The following RIMBP2 variants were observed in gnomAD, a reference collection of about 807,000 sequenced individuals.
RIMBP2 encodes RIMS binding protein 2, also known as RIMS-binding protein 2.
In RIMBP2, 48 loss-of-function variants were observed where a neutral mutation model predicts 118.6. The ratio of observed to expected loss-of-function variants is 0.40; its 90% CI spans 0.32 to 0.51. The LOEUF (loss-of-function observed/expected upper bound fraction) is 0.51. Among genes scored for constraint, RIMBP2 ranks in the 20% least tolerant of loss-of-function variants. The pLI is 0.41. For missense variants in RIMBP2, 1,551 were observed against 1,768.3 expected (o/e 0.88, Z 2.20); for synonymous variants, 762 against 742.9 (o/e 1.03, Z -0.42).
At chr12:130,445,059 T>C in intron 10 of RIMBP2, 101 bp downstream of exon 10, 1 of 698,654 alleles carries the variant, frequency 1.4e-6, no homozygotes, top group Non-Finnish European at 2.4e-6. Context: ...TGGCCAGGAG[T>C]ATGTTGGGAG....
intron 15 of RIMBP2, chr12:130,425,227 T>C (rs991574929): frequency 5.5e-6 from 1 of 181,362 alleles, no homozygotes; most frequent in African/African-American, 2.3e-5. Context: ...CAGGGGAGAC[T>C]GCCCGGGGGC....
chr12:130,534,296 T>C (rs988720285), intron 2 of RIMBP2, among the ~76,000 whole-genome samples: 4 of 151,042 alleles, frequency 2.6e-5, no homozygotes, highest in Non-Finnish European at 5.9e-5. Flanking sequence ...GAAAAATTAC[T>C]TAATGGGTAT....
intron 1 of RIMBP2, among the ~76,000 whole-genome samples, chr12:130,664,609 G>A (rs941069862): frequency 3.3e-5 from 5 of 151,440 alleles, no homozygotes; most frequent in African/African-American, 7.3e-5. Flanking sequence ...AGAGAAGCAC[G>A]GGCTCCTTCA....
At chr12:130,570,898 A>G (rs2057584366) in intron 2 of RIMBP2, among the ~76,000 whole-genome samples, 1 of 152,198 alleles carries the variant, frequency 6.6e-6, no homozygotes, top group Non-Finnish European at 1.5e-5. Flanking sequence ...ATAAAGGAGA[A>G]ATTAACTCCA....
In RIMBP2 at chr12:130,434,864, A is replaced by T; in HGVS notation, c.2123T>A (p.Val708Asp). Residue 708 changes from valine to aspartate, a missense_variant, in exon 14 of 23, where the codon GTC becomes GAC. Physicochemically the swap from Val to Asp is radical, Grantham distance 152. This residue lies in a region of RIMBP2 where 1,038 missense variants were observed against 1,125.1 expected (regional missense o/e 0.92). Coordinates refer to ENST00000690449, the MANE Select transcript of RIMBP2 (RefSeq NM_001393629.1). This position sits in a 1 kb window ranked among gnomAD's most constrained non-coding sequence, Gnocchi z 5.7. ...AESSRLEKRS[V>D]FLERSSAGQY... is the part of the protein sequence containing the mutation. ...CCCCGCGCTGCTTCTCTCTAGGAAGACGCTCCTTTTCTCTAACTTGGAAAG... is the reference window on the plus strand; with the variant it reads ...CCCCGCGCTGCTTCTCTCTAGGAAGTCGCTCCTTTTCTCTAACTTGGAAAG... 1 of 1,607,144 alleles carries T rather than the reference A, an allele frequency of 6.2e-7. No individual in the cohort carries two copies. The highest frequency in any genetic ancestry group is 8.5e-7 in the Non-Finnish European group (1 of 1,176,862).
At chr12:130,640,727 C>T (rs868772233) in intron 1 of RIMBP2, among the ~76,000 whole-genome samples, 2 of 152,184 alleles carry the variant, frequency 1.3e-5, no homozygotes, top group African/African-American at 4.8e-5. Context: ...ATTTGGACGT[C>T]GGCATCTGGC....
chr12:130,528,611 T>C (rs1376527295), intron 2 of RIMBP2, among the ~76,000 whole-genome samples: 1 of 152,182 alleles, frequency 6.6e-6, no homozygotes, highest in African/African-American at 2.4e-5. Context: ...TAACTTAAAA[T>C]AAAAATGTCT....
rs971980265 is a variant in RIMBP2 at position 130,447,055 on chromosome 12, G to A, written c.582-1786C>T. On this transcript the variant is annotated intron_variant, in intron 9 of 22. Transcript: ENST00000690449. This position sits in a 1 kb window ranked among gnomAD's most constrained non-coding sequence, Gnocchi z 4.4. ...ATGGGTAGATGGCCGAGACACAGAA[G>A]CTGGCAGAGTGTTCTCGGAGGAGGA... Among the ~76,000 whole-genome samples the A allele has an allele frequency of 3.3e-5, 5 of 151,682 alleles. No individual in the cohort carries two copies. Among genetic ancestry groups the A allele is most frequent in the African/African-American group, 4.9e-5 (2 of 41,176 alleles).
At chr12:130,702,547 AGAAG>A (rs57904486) in intron 1 of RIMBP2, among the ~76,000 whole-genome samples, 14,546 of 141,800 alleles carry the variant, frequency 0.1, 766 homozygotes, top group Middle Eastern at 0.14. Flanking sequence ...AAAACAAGAA[AGAAG>A]GAAGGAAGGA....
intron 2 of RIMBP2, among the ~76,000 whole-genome samples, chr12:130,534,302 G>C (rs552796058): frequency 7.3e-5 from 11 of 151,084 alleles, no homozygotes; most frequent in Admixed American, 5.9e-4. Flanking sequence ...TTACTTAATG[G>C]GTATGATGTA....
Position 130,437,231 on chromosome 12 carries a change from T to G in RIMBP2, c.1717A>C (p.Ser573Arg). ...STAVELVRLRSLEAKGVTVRT... is the reference protein window; with the variant it reads ...STAVELVRLRRLEAKGVTVRT... ...ACGGTCACGCCCTTGGCCTCCAGGC[T>G]CCGCAGCCGCACAAGCTCCACGGCC... Residue 573 changes from serine to arginine, a missense_variant, in exon 13 of 23, where the codon AGC (serine) becomes CGC (arginine). Transcript: ENST00000690449. 3.2e-6 allele frequency: 5 copies of G among 1,585,090 alleles called. No homozygotes were observed. The highest frequency in any genetic ancestry group is 4.3e-6 in the Non-Finnish European group (5 of 1,171,146).
chr12:130,561,233 A>G lies in RIMBP2; in HGVS notation c.-216-43316T>C, dbSNP rs191517568. On this transcript the variant is annotated intron_variant, in intron 2 of 22. Transcript: ENST00000690449. ...CCAGCCTCCAGAACTGGGAGAGAATAAGTGTCTGTCGTTTCAGCCATGTGG... is the reference window on the plus strand; with the variant it reads ...CCAGCCTCCAGAACTGGGAGAGAATGAGTGTCTGTCGTTTCAGCCATGTGG... Among the ~76,000 whole-genome samples the G allele has an allele frequency of 2.6e-5, 4 of 152,318 alleles. No homozygotes were observed. In the East Asian group the frequency reaches 5.8e-4, roughly 22 times the overall value.
intron 2 of RIMBP2, among the ~76,000 whole-genome samples, chr12:130,520,533 G>A (rs143618976): frequency 0.011 from 1,614 of 152,164 alleles, 18 homozygotes; most frequent in Middle Eastern, 0.02. Context: ...TTAGCCAGGC[G>A]TGGTGGTGGG....
intron 1 of RIMBP2, among the ~76,000 whole-genome samples, chr12:130,645,731 T>A (rs1011475490): frequency 1.3e-5 from 2 of 152,224 alleles, no homozygotes; most frequent in African/African-American, 4.8e-5. Flanking sequence ...GATCAAACCG[T>A]GCCTGATCTC....
chr12:130,652,226 C>T (rs961599134), intron 1 of RIMBP2, among the ~76,000 whole-genome samples: 1 of 152,214 alleles, frequency 6.6e-6, no homozygotes, highest in Non-Finnish European at 1.5e-5. Flanking sequence ...ATCTGGCCCA[C>T]CACCTGTTTT....
At chr12:130,709,112 G>A (rs1949710660) in intron 1 of RIMBP2, among the ~76,000 whole-genome samples, 1 of 152,252 alleles carries the variant, frequency 6.6e-6, no homozygotes, top group East Asian at 1.9e-4. Flanking sequence ...CTGCATTTGA[G>A]CTGGAAAAGC....
intron 7 of RIMBP2, among the ~76,000 whole-genome samples, chr12:130,452,757 G>GTA (rs1566064675): frequency 2.0e-5 from 3 of 152,302 alleles, no homozygotes; most frequent in East Asian, 1.9e-4. Context: ...GGGGGGCCGC[G>GTA]TGTGACTGCA....
intron 6 of RIMBP2, among the ~76,000 whole-genome samples, chr12:130,468,279 G>T (rs1259074740): frequency 6.6e-6 from 1 of 152,302 alleles, no homozygotes; most frequent in African/African-American, 2.4e-5. Flanking sequence ...GGCCTCACAG[G>T]CTCCCTAAAC....
At chr12:130,566,296 A>G (rs1252739866) in intron 2 of RIMBP2, among the ~76,000 whole-genome samples, 2 of 152,162 alleles carry the variant, frequency 1.3e-5, no homozygotes, top group Non-Finnish European at 2.9e-5. Context: ...TGGAGCTGCT[A>G]TTGCCCCTCT....
Sources: allele counts gnomAD v4.1 joint callset (sites outside exome capture counted in the v4.1 genomes callset), GRCh38; gene constraint gnomAD v4.1.1; regional missense constraint gnomAD v4.1.1; non-coding constraint Gnocchi (gnomAD v3.1); transcripts MANE v1.5; gene names NCBI Gene and HGNC (gene_info 2026-07-23, HGNC 2026-07-21).